PCLO: variants seen among roughly 807,000 people sequenced by gnomAD.
PCLO encodes the protein protein piccolo.
Under a neutral mutation model 427.5 loss-of-function variants are expected in PCLO, and 82 were observed. The ratio of observed to expected loss-of-function variants is 0.19; its 90% CI spans 0.16 to 0.23. The LOEUF (loss-of-function observed/expected upper bound fraction) is 0.23. PCLO is among the 10% of genes least tolerant of loss of function. The probability of loss-of-function intolerance (pLI) is 1.00; values close to 1 mark genes in which losing one functional copy is unlikely to be tolerated. For missense variants in PCLO, 6,239 were observed against 6,115.9 expected, an observed-to-expected ratio of 1.02 and a Z score of -0.67; for synonymous variants, 2,357 against 2,155.4, an observed-to-expected ratio of 1.09 and a Z score of -2.59.
At position 82,816,572 on chromosome 7, in the gene PCLO, T is replaced by C. The variant is rs138640597; in HGVS notation, c.14791+5923A>G. On this transcript the variant is annotated intron_variant, in intron 20 of 24. Coordinates refer to ENST00000333891, the MANE Select transcript of PCLO (RefSeq NM_033026.6). The stretch of plus-strand genomic sequence containing the variant: ...TTTATGGGTATTATTTTTAAAGACA[T>C]GTCATAAATAATATTTAAGAAACCT... Among the ~76,000 whole-genome samples the C allele has an allele frequency of 9.9e-3, 1,504 of 152,244 alleles. 17 individuals are homozygous for C. The highest frequency in any genetic ancestry group is 0.034 in the African/African-American group (1,404 of 41,546).
intron 10 of PCLO, among the ~76,000 whole-genome samples, chr7:82,862,238 A>G (rs1792975781): frequency 6.6e-6 from 1 of 151,990 alleles, no homozygotes; most frequent in Non-Finnish European, 1.5e-5. Flanking sequence ...GAAAATCAAA[A>G]CTACAACAAA....
At chr7:83,025,323 C>T (rs1486476813) in intron 3 of PCLO, among the ~76,000 whole-genome samples, 7 of 150,698 alleles carry the variant, frequency 4.6e-5, no homozygotes, top group East Asian at 1.9e-4. Context: ...GCCTCAGGAG[C>T]CGATGCGATC....
intron 22 of PCLO, among the ~76,000 whole-genome samples, chr7:82,793,434 G>C (rs1012260604): frequency 2.6e-5 from 4 of 152,090 alleles, no homozygotes; most frequent in South Asian, 2.1e-4. Context: ...AAAACTACAG[G>C]CTGGCTCTTC....
rs371356559 is a variant in PCLO, at chr7:82,954,608, A to G, written c.6345T>C (p.Ser2115=). 3.1e-6 allele frequency: 5 copies of G among 1,613,820 alleles called. No homozygotes were observed. Among genetic ancestry groups the G allele is most frequent in the Non-Finnish European group, 4.2e-6 (5 of 1,179,882 alleles). The stretch of plus-strand genomic sequence containing the variant: ...TTGCACTGCTGGTCGAATCTGTAAG[A>G]GACGCTCCTGAGAGAACACTTGATG... ...SLTSSVLSGA[S]LTDSTSSATL... is the part of the protein sequence containing the mutation. Residue 2115 remains serine, a synonymous_variant, in exon 5 of 25, where the codon TCT becomes TCC. Transcript: ENST00000333891.
At position 82,952,632 on chromosome 7, in the gene PCLO, G is replaced by A; in HGVS notation, c.8321C>T (p.Ser2774Phe). The change falls in exon 5 of 25, where the codon TCT (serine) becomes TTT (phenylalanine). Residue 2774 changes from serine to phenylalanine, a missense_variant. Around this residue, in one of 5 missense-constraint regions of PCLO, gnomAD observed 4,677 missense variants for 4,468.4 expected, o/e 1.05. Transcript: ENST00000333891. Reference sequence around the variant, plus strand: ...TGATGTCACACTAAGATTTATAATAGAGGGTTGGACAGCACTAATTTGTTT... The same window carrying A: ...TGATGTCACACTAAGATTTATAATAAAGGGTTGGACAGCACTAATTTGTTT... ...YGKQISAVQP[S>F]IINLSVTSSI... 1 of 1,613,946 alleles carries A rather than the reference G, an allele frequency of 6.2e-7. No individual in the cohort carries two copies. Among genetic ancestry groups the A allele is most frequent in the South Asian group, 1.1e-5 (1 of 91,088 alleles).
At chr7:82,828,051 T>C in intron 16 of PCLO, 85 bp from the exon 17 acceptor site, 2 of 722,492 alleles carry the variant, frequency 2.8e-6, no homozygotes, top group Non-Finnish European at 4.8e-6. Flanking sequence ...ATGCAGACTA[T>C]TCAAGATATT....
At chr7:82,787,775 T>C (rs972018350) in intron 22 of PCLO, among the ~76,000 whole-genome samples, 1 of 152,090 alleles carries the variant, frequency 6.6e-6, no homozygotes, top group Non-Finnish European at 1.5e-5. Flanking sequence ...AAAAACCCTG[T>C]AAATTGGCTG....
intron 9 of PCLO, among the ~76,000 whole-genome samples, chr7:82,893,276 A>G (rs1472219496): frequency 1.3e-5 from 2 of 152,104 alleles, no homozygotes; most frequent in African/African-American, 4.8e-5. Flanking sequence ...CTTTGTAGGG[A>G]CATGGATGAA....
intron 3 of PCLO, among the ~76,000 whole-genome samples, chr7:82,988,903 C>T (rs1157852819): frequency 6.6e-6 from 1 of 151,616 alleles, no homozygotes; most frequent in African/African-American, 2.4e-5. Context: ...GGCGCGATCT[C>T]GGCTCACCGC....
chr7:82,978,398 C>A (rs1244767261), intron 3 of PCLO, among the ~76,000 whole-genome samples: 1 of 152,084 alleles, frequency 6.6e-6, no homozygotes, highest in Non-Finnish European at 1.5e-5. Flanking sequence ...TTTAAAAATT[C>A]TCCTGTTCTG....
rs1043008061 is a variant in PCLO, at chr7:82,768,303, A to C, written c.15008-6810T>G. 3.3e-5 allele frequency among the ~76,000 whole-genome samples: 5 copies of C among 152,012 alleles called. No homozygotes were observed. In the South Asian group the frequency reaches 1.0e-3, roughly 32 times the overall value. On this transcript the variant is annotated intron_variant, in intron 22 of 24. Coordinates refer to ENST00000333891, the MANE Select transcript of PCLO (RefSeq NM_033026.6). ...CCAGGCCTGGTGGCGTGAGCCTGTAATCCCAGCTCCTCGGGAGACTGAGGC... is the reference window on the plus strand; with the variant it reads ...CCAGGCCTGGTGGCGTGAGCCTGTACTCCCAGCTCCTCGGGAGACTGAGGC...
At chr7:82,934,015 T>C (rs981860832) in intron 6 of PCLO, among the ~76,000 whole-genome samples, 2 of 151,940 alleles carry the variant, frequency 1.3e-5, no homozygotes, top group African/African-American at 4.8e-5. Flanking sequence ...TTAAGGCAAG[T>C]GAGATTTTAT....
At chr7:83,076,625 T>C (rs373157834) in intron 3 of PCLO, among the ~76,000 whole-genome samples, 1 of 35,558 alleles carries the variant, frequency 2.8e-5, no homozygotes, top group Non-Finnish European at 5.7e-5. Context: ...GTTATTTTCC[T>C]TTTTTTTTTT....
intron 3 of PCLO, among the ~76,000 whole-genome samples, chr7:82,966,860 C>T (rs10257685): frequency 0.06 from 9,146 of 152,074 alleles, 916 homozygotes; most frequent in African/African-American, 0.21. Context: ...GTATTTTCAT[C>T]CAAAATTTAT....
rs570112383 is a variant in PCLO at position 82,960,182 on chromosome 7, G to A, written c.4018-3247C>T. Among the ~76,000 whole-genome samples, 5 of 152,086 alleles carry A rather than the reference G, an allele frequency of 3.3e-5. No individual in the cohort carries two copies. The South Asian group carries it at 8.3e-4, about 25-fold the overall frequency. On this transcript the variant is annotated intron_variant, in intron 4 of 24. Transcript: ENST00000333891. Reference sequence around the variant, plus strand: ...TGTTTAATTTTCCATTTATTTTGACGGGCTAAAATTAAACAATGAATGCAA... The same window carrying A: ...TGTTTAATTTTCCATTTATTTTGACAGGCTAAAATTAAACAATGAATGCAA...
At chr7:82,821,557 C>T (rs1562800918) in intron 20 of PCLO, 1 of 976,580 alleles carries the variant, frequency 1.0e-6, no homozygotes, top group Non-Finnish European at 1.2e-6. Context: ...AGGGTACCTA[C>T]ATTTGTGAAA....
intron 3 of PCLO, among the ~76,000 whole-genome samples, chr7:82,980,218 G>A (rs1299624621): frequency 2.0e-5 from 3 of 152,122 alleles, no homozygotes; most frequent in African/African-American, 2.4e-5. Flanking sequence ...AATGAGTCAG[G>A]GGAGAAGAGA....
chr7:83,022,380 T>C (rs375190608), intron 3 of PCLO, among the ~76,000 whole-genome samples: 1 of 152,228 alleles, frequency 6.6e-6, no homozygotes, highest in Non-Finnish European at 1.5e-5. Context: ...TTGTAAATTG[T>C]ATTTGCAAAA....
At chr7:83,146,980 C>G (rs1342240123) in intron 2 of PCLO, among the ~76,000 whole-genome samples, 1 of 151,182 alleles carries the variant, frequency 6.6e-6, no homozygotes, top group East Asian at 2.0e-4. Flanking sequence ...TATATAACAA[C>G]AGGCTTACTA....
Sources: allele counts gnomAD v4.1 joint callset (sites outside exome capture counted in the v4.1 genomes callset), GRCh38; gene constraint gnomAD v4.1.1; regional missense constraint gnomAD v4.1.1; transcripts MANE v1.5; gene names NCBI Gene and HGNC (gene_info 2026-07-23, HGNC 2026-07-21).